HNRNPH1: variants seen among roughly 807,000 people sequenced by gnomAD.
HNRNPH1 encodes the protein heterogeneous nuclear ribonucleoprotein H1.
Under a neutral mutation model 58.6 loss-of-function variants are expected in HNRNPH1, and 4 were observed. The observed-to-expected ratio is 0.07, with a 90% CI of 0.03 to 0.16. The LOEUF is 0.16. Ranked by LOEUF, HNRNPH1 falls within the 10% of genes least tolerant of loss-of-function variation. The pLI is 1.00. For synonymous variants in HNRNPH1, 192 were observed against 189.2 expected, an observed-to-expected ratio of 1.01 and a Z score of -0.12; for missense variants, 271 against 564.2, an observed-to-expected ratio of 0.48 and a Z score of 5.26.
rs574552127 is a variant in HNRNPH1, at chr5:179,622,570, G to A, written c.97+467C>T. ...TACTAAAAATACAAAAATTAGCCGG[G>A]CGTGGCGGTGCGCGCCTCTAGTCCC... is the stretch of plus-strand genomic sequence containing the variant. On this transcript the variant is annotated intron_variant, in intron 1 of 12. Coordinates refer to ENST00000356731, the Ensembl canonical transcript of HNRNPH1. Among the ~76,000 whole-genome samples the A allele has an allele frequency of 4.6e-5, 7 of 152,252 alleles. No homozygotes were observed. The East Asian group carries it at 1.4e-3, about 29-fold the overall frequency.
At chr5:179,627,127 C>G (rs1039820726), upstream of HNRNPH1, among the ~76,000 whole-genome samples, 1 of 152,126 alleles carries the variant, frequency 6.6e-6, no homozygotes, top group African/African-American at 2.4e-5. Context: ...TTTATTAAGG[C>G]TGTTAGCCCT....
intron 2 of HNRNPH1, among the ~76,000 whole-genome samples, chr5:179,630,313 C>T (rs13188643): frequency 0.071 from 10,759 of 152,072 alleles, 441 homozygotes; most frequent in South Asian, 0.11. Flanking sequence ...CTTGCCATTG[C>T]ACTCCAGCCT....
At chr5:179,616,529 AGTTTGATAC>A (rs1769778895) in intron 10 of HNRNPH1, 1 of 513,750 alleles carries the variant, frequency 1.9e-6, no homozygotes, top group African/African-American at 1.9e-5. Flanking sequence ...GTTCCCCCTC[AGTTTGATAC>A]ATCAAAGGCA....
Position 179,618,069 on chromosome 5 carries a change from C to CA in HNRNPH1, c.716-10dup, listed in dbSNP as rs770037548. 6 of 1,613,944 alleles carry CA rather than the reference C, an allele frequency of 3.7e-6. No individual in the cohort carries two copies. The East Asian group carries it at 8.9e-5, about 24-fold the overall frequency. ...ATCATAGCCTCCATAGCCTGAAAGA[C>CA]AAAGTACAATCAATCAAATAAAACA... On this transcript the variant is annotated splice_polypyrimidine_tract_variant and intron_variant, in intron 5 of 12. Transcript: ENST00000356731.
chr5:179,616,748 A>G, intron 10 of HNRNPH1, 121 bp downstream of exon 11: 1 of 842,962 alleles, frequency 1.2e-6, no homozygotes, highest in Non-Finnish European at 1.9e-6. Context: ...CTCAAATATC[A>G]AGAAACTGCT....
chr5:179,619,042 T>TA (rs1301885978), intron 4 of HNRNPH1: 1 of 386,514 alleles, frequency 2.6e-6, no homozygotes, highest in Admixed American at 4.6e-5. Flanking sequence ...TGATTGGGGT[T>TA]AATAAGACTC....
Position 179,617,328 on chromosome 5 carries a change from T to C in HNRNPH1, c.1057+186A>G, listed in dbSNP as rs565950907. ...AAGGATATACACTTCAAGATGTGCATATCACAAATCCGTTATACTAATTTT... is the reference window on the plus strand; with the variant it reads ...AAGGATATACACTTCAAGATGTGCACATCACAAATCCGTTATACTAATTTT... On this transcript the variant is annotated intron_variant, in intron 8 of 12. Transcript: ENST00000356731. 1.3e-4 allele frequency: 99 copies of C among 745,570 alleles called. 1 individual carries two copies. The East Asian group carries it at 2.6e-3, about 19-fold the overall frequency. The allele number at this position is 745,570 out of a possible 1,614,324, so 46.2% of individuals were successfully genotyped here. A position where few individuals can be genotyped will look rare whatever the true frequency, so the allele number is the denominator to read the frequency against.
At chr5:179,619,513 G>C in intron 3 of HNRNPH1, 106 bp from the exon 5 acceptor site, 4 of 943,080 alleles carry the variant, frequency 4.2e-6, no homozygotes, top group Non-Finnish European at 6.5e-6. Flanking sequence ...TTTAACTTTA[G>C]GTGAATGGTA....
At chr5:179,623,290 TC>T in exon 1 of HNRNPH1, 1 of 477,800 alleles carries the variant, frequency 2.1e-6, no homozygotes. Context: ...CCCCGGCGAC[TC>T]CAACACCTCC....
At chr5:179,620,825 G>T (rs1386773429) in intron 3 of HNRNPH1, 67 bp downstream of exon 4, 2 of 1,426,366 alleles carry the variant, frequency 1.4e-6, no homozygotes, top group Non-Finnish European at 2.0e-6. Context: ...CAACTTTAAC[G>T]TCTATTAAAT....
exon 1 of HNRNPH1, chr5:179,623,417 C>G (rs1304515242): frequency 3.9e-6 from 1 of 255,924 alleles, no homozygotes; most frequent in Non-Finnish European, 7.8e-6. Flanking sequence ...CGGCCGCTTC[C>G]GCTCCGCCTC....
upstream of HNRNPH1, among the ~76,000 whole-genome samples, chr5:179,627,755 C>CT (rs1193462566): frequency 4.4e-5 from 6 of 137,414 alleles, no homozygotes; most frequent in Admixed American, 4.9e-4. Context: ...AACCCTGTCT[C>CT]TACCAAAAAT....
intron 1 of HNRNPH1, chr5:179,621,608 T>C (rs1344460222): frequency 8.8e-6 from 5 of 568,376 alleles, no homozygotes; most frequent in South Asian, 6.7e-5. Context: ...ATCAACAACA[T>C]ACAATATTCA....
At chr5:179,623,284 G>A (rs1047752842) in exon 1 of HNRNPH1, 1 of 497,890 alleles carries the variant, frequency 2.0e-6, no homozygotes, top group Non-Finnish European at 3.8e-6. Flanking sequence ...CACCCACCCC[G>A]GCGACTCCAA....
At chr5:179,630,555 G>A (rs561466639) in intron 2 of HNRNPH1, among the ~76,000 whole-genome samples, 1 of 152,154 alleles carries the variant, frequency 6.6e-6, no homozygotes, top group South Asian at 2.1e-4. Flanking sequence ...ATGCCATCAA[G>A]GTACATTGTG....
At chr5:179,633,461 A>ATTTTTTTTTTTTTTTT (rs762139490) in intron 2 of HNRNPH1, among the ~76,000 whole-genome samples, 4 of 102,602 alleles carry the variant, frequency 3.9e-5, no homozygotes, top group Non-Finnish European at 5.5e-5. Flanking sequence ...CACCCGGCTA[A>ATTTTTTTTTTTTTTTT]TTTTTTTTTT....
At chr5:179,615,355 G>A (rs1769013164) in intron 12 of HNRNPH1, 191 bp downstream of exon 13, 1 of 499,144 alleles carries the variant, frequency 2.0e-6, no homozygotes, top group East Asian at 3.1e-5. Context: ...GGAGCACAGG[G>A]GAAGTCTCTT....
At position 179,617,655 on chromosome 5, in the gene HNRNPH1, A is replaced by G; in HGVS notation, c.922-6T>C. ...GGGTTGAGCGGTGAAAAAAACTACA[A>G]CACAAGGCATTTCAAAGAATTCAAC... is the stretch of plus-strand genomic sequence containing the variant. On this transcript the variant is annotated splice_region_variant and splice_polypyrimidine_tract_variant and intron_variant, in intron 7 of 12. Coordinates refer to ENST00000356731, the Ensembl canonical transcript of HNRNPH1. The G allele has an allele frequency of 6.2e-7, 1 of 1,610,522 alleles. No individual in the cohort carries two copies. The highest frequency in any genetic ancestry group is 8.5e-7 in the Non-Finnish European group (1 of 1,178,650).
At chr5:179,616,158 C>A in exon 11 of HNRNPH1, 1 of 1,614,130 alleles carries the variant, frequency 6.2e-7, no homozygotes, top group Non-Finnish European at 8.5e-7. Context: ...GCCACCGTAG[C>A]CGCCTCCGTA....
Sources: allele counts gnomAD v4.1 joint callset (sites outside exome capture counted in the v4.1 genomes callset), GRCh38; gene constraint gnomAD v4.1.1; transcripts MANE v1.5; gene names NCBI Gene and HGNC (gene_info 2026-07-23, HGNC 2026-07-21).